ZCCHC9: variants seen among roughly 807,000 people sequenced by gnomAD.
ZCCHC9 encodes zinc finger CCHC-type containing 9.
A neutral mutation model predicts 30.8 loss-of-function variants in ZCCHC9; 18 were observed. The observed-to-expected ratio is 0.58, with a 90% CI of 0.40 to 0.87. The LOEUF (loss-of-function observed/expected upper bound fraction) is 0.87. ZCCHC9 is among the 40% of genes least tolerant of loss of function. ZCCHC9 has a pLI of 0.00. For missense variants in ZCCHC9, 279 were observed against 331.2 expected (o/e 0.84, Z 1.22); for synonymous variants, 94 against 106.7 (o/e 0.88, Z 0.73).
chr5:81,304,597 T>C (rs1197109906), intron 1 of ZCCHC9, 144 bp from the exon 2 acceptor site: 5 of 629,050 alleles, frequency 7.9e-6, no homozygotes, highest in East Asian at 5.9e-5. Flanking sequence ...TATACAGATA[T>C]CTAACTGAAA....
chr5:81,302,500 T>C (rs1757986429), intron 1 of ZCCHC9: 1 of 151,970 alleles, frequency 6.6e-6, no homozygotes, highest in Non-Finnish European at 1.5e-5. Context: ...ACAAAAAAGG[T>C]GGTGGCTTAA....
intron 1 of ZCCHC9, chr5:81,304,007 C>T (rs1580489967): frequency 6.6e-6 from 1 of 152,084 alleles, no homozygotes; most frequent in Non-Finnish European, 1.5e-5. Context: ...TATGTATGTG[C>T]TCTAAAATGA....
Position 81,308,685 on chromosome 5 carries a change from G to A in ZCCHC9, c.509G>A (p.Cys170Tyr). The A allele has an allele frequency of 6.2e-7, 1 of 1,612,610 alleles. No homozygotes were observed. Among genetic ancestry groups the A allele is most frequent in the Non-Finnish European group, 8.5e-7 (1 of 1,179,430 alleles). Residue 170 changes from cysteine (C) to tyrosine (Y), a missense_variant, in exon 3 of 6, where the codon TGT becomes TAT. Coordinates refer to ENST00000407610, the MANE Select transcript of ZCCHC9 (RefSeq NM_001131035.2). ...TCCACAGAGCACGAAATAACCAAGT[G>A]TAAGGCTAAAGTAGACCCGGCTCTT... ...CGSTEHEITKCKAKVDPALGE... is the reference protein window; with the variant it reads ...CGSTEHEITKYKAKVDPALGE...
intron 5 of ZCCHC9, 75 bp downstream of exon 5, chr5:81,311,354 A>G (rs1758280001): frequency 4.5e-5 from 65 of 1,432,594 alleles, no homozygotes; most frequent in South Asian, 2.2e-4. Context: ...CTTGTTATTA[A>G]TAACTCAATT....
chr5:81,309,188 A>T, intron 4 of ZCCHC9, 150 bp downstream of exon 4: 1 of 547,330 alleles, frequency 1.8e-6, no homozygotes, highest in Non-Finnish European at 3.0e-6. Context: ...TATCATATGT[A>T]CTAGGCTTTT....
chr5:81,309,192 G>A (rs896857769), intron 4 of ZCCHC9, 154 bp downstream of exon 4: 7 of 524,594 alleles, frequency 1.3e-5, no homozygotes, highest in African/African-American at 1.2e-4. Context: ...ATATGTACTA[G>A]GCTTTTTGTG....
intron 5 of ZCCHC9, 98 bp from the exon 6 acceptor site, chr5:81,312,446 C>A: frequency 1.1e-6 from 1 of 872,750 alleles, no homozygotes; most frequent in Non-Finnish European, 1.8e-6. Context: ...TGTGATTATT[C>A]ATATCAAAAT....
At chr5:81,308,037 C>CTATCTATCTATCTATCTATA (rs1758140355) in intron 2 of ZCCHC9, among the ~76,000 whole-genome samples, 3 of 137,666 alleles carry the variant, frequency 2.2e-5, no homozygotes, top group Non-Finnish European at 4.6e-5. Context: ...ATCTATCTAT[C>CTATCTATCTATCTATCTATA]TATCTATCTA....
At chr5:81,310,216 A>G (rs1758236298) in intron 4 of ZCCHC9, among the ~76,000 whole-genome samples, 2 of 151,154 alleles carry the variant, frequency 1.3e-5, no homozygotes. Context: ...CATAGATGTG[A>G]AAATTTGGCC....
chr5:81,305,391 G>A (rs1238892232), intron 2 of ZCCHC9, among the ~76,000 whole-genome samples: 1 of 152,142 alleles, frequency 6.6e-6, no homozygotes, highest in Non-Finnish European at 1.5e-5. Flanking sequence ...CTGAAGTGCA[G>A]ATAGATTAAA....
intron 5 of ZCCHC9, among the ~76,000 whole-genome samples, chr5:81,311,503 C>T (rs1304765321): frequency 6.6e-6 from 1 of 152,048 alleles, no homozygotes; most frequent in Non-Finnish European, 1.5e-5. Flanking sequence ...GGGACCCTGA[C>T]TTTATAAGAC....
chr5:81,309,326 A>G lies in ZCCHC9; in HGVS notation c.628+288A>G, dbSNP rs549373809. Among the ~76,000 whole-genome samples the G allele has an allele frequency of 1.2e-3, 190 of 152,356 alleles. 1 individual carries two copies. The highest frequency in any genetic ancestry group is 4.5e-3 in the African/African-American group (186 of 41,592). On this transcript the variant is annotated intron_variant, in intron 4 of 5. Coordinates refer to ENST00000407610, the MANE Select transcript of ZCCHC9 (RefSeq NM_001131035.2). The stretch of plus-strand genomic sequence containing the variant: ...TTCTACTTTTAGACATAACAGAAGC[A>G]GAGAGATTATATCTCAAGCTAATAT...
intron 5 of ZCCHC9, among the ~76,000 whole-genome samples, chr5:81,311,619 T>A (rs1758290747): frequency 6.6e-6 from 1 of 152,226 alleles, no homozygotes; most frequent in Non-Finnish European, 1.5e-5. Context: ...ATAAAAAATA[T>A]GAAATAACTT....
chr5:81,311,424 T>C, intron 5 of ZCCHC9, 145 bp downstream of exon 5: 1 of 875,992 alleles, frequency 1.1e-6, no homozygotes, highest in South Asian at 1.6e-5. Flanking sequence ...TTAATCTCTG[T>C]CAGCAATAGA....
rs188887906 is a variant in ZCCHC9, at chr5:81,305,038, C to G, written c.281C>G (p.Thr94Arg). The change falls in exon 2 of 6, where the codon ACA becomes AGA. Residue 94 changes from threonine to arginine, a missense_variant. Thr to Arg is a moderately conservative substitution (Grantham distance 71, BLOSUM62 -1). Transcript: ENST00000407610. ...GTTCACAATGGGCAAATTATAGCAACAGACAGTGAGGAAGTAAGGGAAGAA... is the reference window on the plus strand; with the variant it reads ...GTTCACAATGGGCAAATTATAGCAAGAGACAGTGAGGAAGTAAGGGAAGAA... ...QMVHNGQIIATDSEEVREEIA... is the reference protein window; with the variant it reads ...QMVHNGQIIARDSEEVREEIA... 5.6e-6 allele frequency: 9 copies of G among 1,614,036 alleles called. No homozygotes were observed. The East Asian group carries it at 1.6e-4, about 28-fold the overall frequency.
At position 81,304,575 on chromosome 5, in the gene ZCCHC9, G is replaced by T. The variant is rs139144973; in HGVS notation, c.-17-166G>T. Reference sequence around the variant, plus strand: ...AAGCATGTCTATGCAGCATATTATAGCATTAAATATGTATACAGATATCTA... The same window carrying T: ...AAGCATGTCTATGCAGCATATTATATCATTAAATATGTATACAGATATCTA... On this transcript the variant is annotated intron_variant, in intron 1 of 5. Coordinates refer to ENST00000407610, the MANE Select transcript of ZCCHC9 (RefSeq NM_001131035.2). The T allele has an allele frequency of 2.7e-3, 1,384 of 516,744 alleles. 25 individuals are homozygous for T. The highest frequency in any genetic ancestry group is 0.024 in the African/African-American group (1,256 of 51,868). 32.0% of individuals were successfully genotyped at this position (516,744 alleles called of 1,614,324 possible).
chr5:81,308,919 C>CTGAA (rs1293088644), intron 3 of ZCCHC9, 27 bp from the exon 4 acceptor site: 4 of 1,591,234 alleles, frequency 2.5e-6, no homozygotes, highest in Non-Finnish European at 3.4e-6. Context: ...GTATTGTCAA[C>CTGAA]TGAATAGGAA....
intron 1 of ZCCHC9, chr5:81,304,010 TAA>T (rs1279562803): frequency 2.6e-5 from 4 of 152,266 alleles, no homozygotes; most frequent in Non-Finnish European, 5.9e-5. Flanking sequence ...GTATGTGCTC[TAA>T]AATGAAAAGT....
At chr5:81,304,670 C>G in intron 1 of ZCCHC9, 71 bp from the exon 2 acceptor site, 1 of 1,357,376 alleles carries the variant, frequency 7.4e-7, no homozygotes, top group Non-Finnish European at 1.0e-6. Context: ...AGTGATATAG[C>G]ATGTCTCTTT....
Sources: allele counts gnomAD v4.1 joint callset (sites outside exome capture counted in the v4.1 genomes callset), GRCh38; gene constraint gnomAD v4.1.1; transcripts MANE v1.5; gene names NCBI Gene and HGNC (gene_info 2026-07-23, HGNC 2026-07-21).